DLG1: variants seen among roughly 807,000 people sequenced by gnomAD.
The protein encoded by DLG1 is disks large homolog 1.
A neutral mutation model predicts 123.4 loss-of-function variants in DLG1; 42 were observed. The ratio of observed to expected loss-of-function variants is 0.34; its 90% CI spans 0.27 to 0.44. DLG1 has a LOEUF of 0.44. Ranked by LOEUF, DLG1 falls within the 20% of genes least tolerant of loss-of-function variation. The pLI is 1.00. For missense variants in DLG1, 942 were observed against 1,082.6 expected (o/e 0.87, Z 1.82); for synonymous variants, 317 against 356.2 (o/e 0.89, Z 1.24).
At chr3:197,248,243 A>C (rs1227435853) in intron 4 of DLG1, among the ~76,000 whole-genome samples, 2 of 152,184 alleles carry the variant, frequency 1.3e-5, no homozygotes, top group East Asian at 3.8e-4. Context: ...CACCAAGGAA[A>C]TACTTCACTG....
intron 4 of DLG1, among the ~76,000 whole-genome samples, chr3:197,225,270 T>G (rs1165646695): frequency 6.6e-6 from 1 of 152,232 alleles, no homozygotes; most frequent in East Asian, 1.9e-4. Context: ...TTGTTCCATC[T>G]AATATTTTAT....
chr3:197,130,405 A>T (rs974263928), intron 11 of DLG1, 122 bp downstream of exon 11: 35 of 887,412 alleles, frequency 3.9e-5, no homozygotes, highest in Non-Finnish European at 5.0e-5. Context: ...TAACATGCTT[A>T]ATTGTTTCTT....
At chr3:197,278,023 G>A (rs779664480) in intron 4 of DLG1, among the ~76,000 whole-genome samples, 1 of 151,768 alleles carries the variant, frequency 6.6e-6, no homozygotes, top group Non-Finnish European at 1.5e-5. Context: ...GGTGGCTGAA[G>A]CCTGTAATCC....
chr3:197,296,986 G>A (rs1777739655), intron 2 of DLG1, 200 bp downstream of exon 2: 3 of 612,492 alleles, frequency 4.9e-6, no homozygotes, highest in Non-Finnish European at 5.6e-6. Context: ...TTAATCACTA[G>A]AGAAATGTTA....
intron 3 of DLG1, chr3:197,294,043 T>C (rs1480331423): frequency 1.3e-5 from 2 of 152,218 alleles, no homozygotes; most frequent in Non-Finnish European, 2.9e-5. Flanking sequence ...TTCAAAACAA[T>C]GGTAGAGTTG....
chr3:197,059,874 G>T lies in DLG1; in HGVS notation c.2483+15C>A, dbSNP rs953041672. 1 of 1,553,516 alleles carries T rather than the reference G, an allele frequency of 6.4e-7. No homozygotes were observed. Among genetic ancestry groups the T allele is most frequent in the African/African-American group, 1.4e-5 (1 of 73,724 alleles). On this transcript the variant is annotated intron_variant, in intron 23 of 24. Coordinates refer to ENST00000667157, the MANE Select transcript of DLG1 (RefSeq NM_001366207.1). ...ATTTGTACACAGAGGCTATGCCTTA[G>T]GCATTTACACTTACATGATATTTTC...
At chr3:197,118,267 C>T (rs1026437830) in intron 12 of DLG1, among the ~76,000 whole-genome samples, 9 of 152,144 alleles carry the variant, frequency 5.9e-5, no homozygotes, top group South Asian at 2.1e-4. Context: ...TCCCTCTTTA[C>T]GGCCTTAAAT....
chr3:197,169,465 G>A (rs1367234545), intron 5 of DLG1, among the ~76,000 whole-genome samples: 1 of 152,158 alleles, frequency 6.6e-6, no homozygotes, highest in East Asian at 1.9e-4. Flanking sequence ...GGTGACTGAT[G>A]AGAAGTCTGG....
intron 7 of DLG1, among the ~76,000 whole-genome samples, chr3:197,140,777 T>C (rs1448942953): frequency 1.3e-5 from 2 of 152,248 alleles, no homozygotes; most frequent in Admixed American, 1.3e-4. Context: ...GACCAAATTG[T>C]GGCTGCTAAG....
chr3:197,122,953 A>G (rs1353811659), intron 11 of DLG1, among the ~76,000 whole-genome samples: 1 of 152,162 alleles, frequency 6.6e-6, no homozygotes, highest in Non-Finnish European at 1.5e-5. Context: ...AATTATGATA[A>G]TTAAGAGACT....
At chr3:197,265,616 TC>T (rs1761357868) in intron 4 of DLG1, among the ~76,000 whole-genome samples, 1 of 152,080 alleles carries the variant, frequency 6.6e-6, no homozygotes, top group African/African-American at 2.4e-5. Context: ...TAAGGAAACT[TC>T]AAGGTGAGGA....
intron 4 of DLG1, among the ~76,000 whole-genome samples, chr3:197,218,505 G>GT (rs1215647594): frequency 3.3e-5 from 5 of 152,292 alleles, no homozygotes; most frequent in African/African-American, 4.8e-5. Flanking sequence ...CTCTTGGACC[G>GT]TAAGTCCAGG....
At chr3:197,288,743 A>AAAAAAATACATAC (rs1553827364) in intron 3 of DLG1, among the ~76,000 whole-genome samples, 1 of 72,100 alleles carries the variant, frequency 1.4e-5, no homozygotes, top group Non-Finnish European at 2.4e-5. Context: ...AAAAAAAAAA[A>AAAAAAATACATAC]ATACATACAT....
chr3:197,189,906 G>C (rs550195406), intron 5 of DLG1, among the ~76,000 whole-genome samples: 2 of 152,184 alleles, frequency 1.3e-5, no homozygotes. Flanking sequence ...GGTAAATGTG[G>C]AAAAGGTAAG....
chr3:197,189,386 T>C (rs2150208797), intron 5 of DLG1, among the ~76,000 whole-genome samples: 1 of 152,336 alleles, frequency 6.6e-6, no homozygotes, highest in South Asian at 2.1e-4. Flanking sequence ...CAAGAAAATA[T>C]GTTTAACAAG....
At chr3:197,211,668 G>C (rs78771163) in intron 4 of DLG1, among the ~76,000 whole-genome samples, 1,818 of 146,556 alleles carry the variant, frequency 0.012, 90 homozygotes, top group African/African-American at 0.041. Context: ...GAGTACAAAT[G>C]GGTTCAACCA....
intron 14 of DLG1, among the ~76,000 whole-genome samples, chr3:197,093,443 C>A (rs1425919243): frequency 6.6e-6 from 1 of 152,178 alleles, no homozygotes; most frequent in Non-Finnish European, 1.5e-5. Context: ...CCACTGTGCC[C>A]AGCCAACATT....
rs911256380 is a variant in DLG1 at position 197,042,983 on chromosome 3, T to A, written c.*1640A>T. On this transcript the variant is annotated 3_prime_UTR_variant, in exon 25 of 25. Transcript: ENST00000667157. ...TCCTCTTCTTCATAAATGGAATGGA[T>A]AATGTTGATAATTCTTTACAAACCA... 5 of 152,254 alleles carry A rather than the reference T, an allele frequency of 3.3e-5. No individual in the cohort carries two copies. Among genetic ancestry groups the A allele is most frequent in the Admixed American group, 6.5e-5 (1 of 15,284 alleles). The allele number at this position is 152,254 out of a possible 1,614,324, so 9.4% of individuals were successfully genotyped here.
At chr3:197,246,082 G>A (rs1751592544) in intron 4 of DLG1, among the ~76,000 whole-genome samples, 1 of 152,156 alleles carries the variant, frequency 6.6e-6, no homozygotes, top group Admixed American at 6.5e-5. Flanking sequence ...TTTTGTAAAT[G>A]TTCTAAGGCT....
Sources: gnomAD v4.1 joint callset for allele counts (sites outside exome capture counted in the v4.1 genomes callset) on GRCh38, gnomAD v4.1.1 for gene constraint, MANE v1.5 for transcripts, NCBI Gene and HGNC (gene_info 2026-07-23, HGNC 2026-07-21) for gene names.